The following GLG1 variants were observed in gnomAD, a reference collection of about 807,000 sequenced individuals.
The protein encoded by GLG1 is Golgi apparatus protein 1.
GLG1 carries 38 observed loss-of-function variants against 160.5 expected under a neutral mutation model. The ratio of observed to expected loss-of-function variants is 0.24; its 90% CI spans 0.18 to 0.31. The LOEUF (loss-of-function observed/expected upper bound fraction) is 0.31, where lower values mean the gene tolerates loss of function less well. Ranked by LOEUF, GLG1 falls within the 10% of genes least tolerant of loss-of-function variation. The pLI is 1.00. For missense variants in GLG1, 1,373 were observed against 1,505.2 expected (o/e 0.91, Z 1.45); for synonymous variants, 644 against 543.4 (o/e 1.19, Z -2.57).
At chr16:74,568,710 G>A (rs1217766661) in intron 1 of GLG1, among the ~76,000 whole-genome samples, 1 of 152,156 alleles carries the variant, frequency 6.6e-6, no homozygotes, top group Non-Finnish European at 1.5e-5. Context: ...GAGCCACTGC[G>A]CCTGGCCTGT....
intron 3 of GLG1, among the ~76,000 whole-genome samples, chr16:74,505,769 T>C (rs1567489037): frequency 6.6e-6 from 1 of 152,156 alleles, no homozygotes; most frequent in Non-Finnish European, 1.5e-5. Context: ...GCAGGAGAAT[T>C]GCTAGAACCC....
At chr16:74,601,234 G>A (rs1958431156) in intron 1 of GLG1, among the ~76,000 whole-genome samples, 1 of 151,960 alleles carries the variant, frequency 6.6e-6, no homozygotes, top group Non-Finnish European at 1.5e-5. Context: ...TACATACCCA[G>A]AGAATATATA....
At chr16:74,535,154 T>C (rs930145572) in intron 1 of GLG1, among the ~76,000 whole-genome samples, 1 of 152,156 alleles carries the variant, frequency 6.6e-6, no homozygotes, top group African/African-American at 2.4e-5. Flanking sequence ...GTTAAGCCCA[T>C]GAAAGTTTGA....
intron 1 of GLG1, among the ~76,000 whole-genome samples, chr16:74,603,253 T>C (rs1958485825): frequency 6.6e-6 from 1 of 151,388 alleles, no homozygotes; most frequent in Non-Finnish European, 1.5e-5. Context: ...CTACTAAAAA[T>C]ACAAAAATTA....
At chr16:74,580,026 G>A (rs948037988) in intron 1 of GLG1, among the ~76,000 whole-genome samples, 2 of 152,210 alleles carry the variant, frequency 1.3e-5, no homozygotes, top group African/African-American at 4.8e-5. Flanking sequence ...TCCTGCCACT[G>A]CACTCCAGGC....
intron 20 of GLG1, 124 bp downstream of exon 20, chr16:74,463,227 TTACAC>T (rs1369970074): frequency 3.9e-5 from 33 of 857,064 alleles, no homozygotes; most frequent in Non-Finnish European, 5.3e-5. Context: ...AAGGCCCTGC[TTACAC>T]TCAGACTCCT....
At chr16:74,493,333 G>A (rs1268203695) in intron 6 of GLG1, among the ~76,000 whole-genome samples, 193 bp from the exon 7 acceptor site, 4 of 152,238 alleles carry the variant, frequency 2.6e-5, no homozygotes, top group East Asian at 3.8e-4. Context: ...ACAGGGGTAA[G>A]TGGGTGGGGA....
chr16:74,485,925 A>T lies in GLG1; in HGVS notation c.1450-8T>A, dbSNP rs2015771164. The stretch of plus-strand genomic sequence containing the variant: ...CTGAATCAGTGTTTGAAGCTGAATT[A>T]AAATAAATTAAGAAGGAAGAAAGAA... On this transcript the variant is annotated splice_region_variant and splice_polypyrimidine_tract_variant and intron_variant, in intron 8 of 25. Coordinates refer to ENST00000422840, the MANE Select transcript of GLG1 (RefSeq NM_001145667.2). 6.2e-7 allele frequency: 1 copy of T among 1,607,396 alleles called. No individual in the cohort carries two copies. The highest frequency in any genetic ancestry group is 1.3e-5 in the African/African-American group (1 of 74,698).
chr16:74,592,335 G>T (rs1958203652), intron 1 of GLG1, among the ~76,000 whole-genome samples: 1 of 152,070 alleles, frequency 6.6e-6, no homozygotes, highest in East Asian at 1.9e-4. Flanking sequence ...TAGAGACAGG[G>T]TTTCCCCCAT....
chr16:74,589,287 C>T (rs1420054932), intron 1 of GLG1, among the ~76,000 whole-genome samples: 1 of 151,012 alleles, frequency 6.6e-6, no homozygotes, highest in Non-Finnish European at 1.5e-5. Context: ...TATGTTAAAC[C>T]ATATGAAAAT....
At chr16:74,553,650 C>G (rs936107839) in intron 1 of GLG1, among the ~76,000 whole-genome samples, 15 of 151,802 alleles carry the variant, frequency 9.9e-5, no homozygotes, top group African/African-American at 3.6e-4. Flanking sequence ...TTTTTCTGTA[C>G]TTTTAGTAGA....
chr16:74,558,076 T>A (rs926571082), intron 1 of GLG1, among the ~76,000 whole-genome samples: 1 of 152,226 alleles, frequency 6.6e-6, no homozygotes, highest in Non-Finnish European at 1.5e-5. Context: ...TTTGCATTTT[T>A]ATTCACAGAT....
chr16:74,575,416 T>A (rs542381497), intron 1 of GLG1, among the ~76,000 whole-genome samples: 41 of 152,266 alleles, frequency 2.7e-4, no homozygotes, highest in African/African-American at 8.7e-4. Context: ...TTCAAAGATG[T>A]TAAGATGAAA....
intron 12 of GLG1, 140 bp from the exon 13 acceptor site, chr16:74,474,772 A>T (rs2015338325): frequency 1.5e-6 from 1 of 657,718 alleles, no homozygotes; most frequent in South Asian, 1.7e-5. Context: ...TGAACAGGAC[A>T]CAAAAGCTTT....
At chr16:74,512,061 T>C (rs62052138) in intron 2 of GLG1, among the ~76,000 whole-genome samples, 25,623 of 151,866 alleles carry the variant, frequency 0.17, 2,621 homozygotes, top group East Asian at 0.4. Context: ...TTATAGAACA[T>C]TATCACCCCA....
intron 23 of GLG1, among the ~76,000 whole-genome samples, chr16:74,459,188 G>A (rs909040700): frequency 6.6e-6 from 1 of 152,060 alleles, no homozygotes; most frequent in African/African-American, 2.4e-5. Flanking sequence ...TTTTTAAAAG[G>A]TTAATTTTGG....
chr16:74,529,812 C>G (rs3973388), intron 2 of GLG1, among the ~76,000 whole-genome samples: 2 of 115,792 alleles, frequency 1.7e-5, no homozygotes, highest in African/African-American at 3.3e-5. Context: ...TTTGAGAGTT[C>G]TTTTTTTTTT....
intron 25 of GLG1, among the ~76,000 whole-genome samples, chr16:74,456,115 T>A (rs1420522078): frequency 6.6e-6 from 1 of 152,218 alleles, no homozygotes; most frequent in African/African-American, 2.4e-5. Context: ...TGTAAAATGA[T>A]AAAAGCAAGC....
rs1254842190 is a variant in GLG1 at position 74,452,495 on chromosome 16, T to C, written c.*672A>G. ...GAGACCACAGAAATACCCATGGCTG[T>C]GGGGCTGTGACCAGCAGTGGCTGAT... is the stretch of plus-strand genomic sequence containing the variant. On this transcript the variant is annotated 3_prime_UTR_variant, in exon 26 of 26. Coordinates refer to ENST00000422840, the MANE Select transcript of GLG1 (RefSeq NM_001145667.2). The C allele has an allele frequency of 9.6e-7, 1 of 1,040,002 alleles. No homozygotes were observed. The highest frequency in any genetic ancestry group is 1.7e-5 in the African/African-American group (1 of 60,036). The allele number at this position is 1,040,002 out of a possible 1,614,324, so 64.4% of individuals were successfully genotyped here.
Sources: allele counts gnomAD v4.1 joint callset (sites outside exome capture counted in the v4.1 genomes callset), GRCh38; gene constraint gnomAD v4.1.1; transcripts MANE v1.5; gene names NCBI Gene and HGNC (gene_info 2026-07-23, HGNC 2026-07-21).